CALN1: variants seen among roughly 807,000 people sequenced by gnomAD.
CALN1 encodes calcium-binding protein 8.
CALN1 carries 17 observed loss-of-function variants against 30.6 expected under a neutral mutation model. That is an observed-to-expected ratio of 0.56 (90% CI 0.38 to 0.83). The LOEUF is 0.83. Ranked by LOEUF, CALN1 falls within the 40% of genes least tolerant of loss-of-function variation. CALN1 has a pLI of 0.00. For synonymous variants in CALN1, 156 were observed against 131.4 expected, an observed-to-expected ratio of 1.19 and a Z score of -1.28; for missense variants, 291 against 354.9, an observed-to-expected ratio of 0.82 and a Z score of 1.45.
At position 72,348,311 on chromosome 7, in the gene CALN1, A is replaced by G. The variant is rs188184651; in HGVS notation, c.119+54940T>C. Among the ~76,000 whole-genome samples, 5 of 152,308 alleles carry G rather than the reference A, an allele frequency of 3.3e-5. No homozygotes were observed. In the East Asian group the frequency reaches 7.7e-4, roughly 23 times the overall value. On this transcript the variant is annotated intron_variant, in intron 2 of 6. Transcript: ENST00000395275. ...GAGGTACAAATTACGTGTGTCCTGC[A>G]ACTGCCCAGCTTTCTACCTGGAGAT...
the CALN1 span, among the ~76,000 whole-genome samples, chr7:72,458,212 TATA>T: frequency 4.8e-4 from 53 of 109,388 alleles, no homozygotes; most frequent in African/African-American, 9.1e-4. Flanking sequence ...TAATATATTT[TATA>T]ATATATTATA....
At chr7:71,864,323 T>C (rs1219722395) in intron 5 of CALN1, among the ~76,000 whole-genome samples, 1 of 152,112 alleles carries the variant, frequency 6.6e-6, no homozygotes, top group Admixed American at 6.5e-5. Flanking sequence ...CCAAATCAGG[T>C]GAAGTCTGTG....
intron 5 of CALN1, among the ~76,000 whole-genome samples, chr7:71,822,342 G>A (rs921232238): frequency 3.3e-5 from 5 of 152,068 alleles, no homozygotes; most frequent in African/African-American, 1.2e-4. Context: ...TCCGCCTCCC[G>A]GGTTCAAGTG....
rs905325446 is a variant in CALN1, at chr7:71,815,112, C to T, written c.502-4620G>A. 2.0e-5 allele frequency among the ~76,000 whole-genome samples: 3 copies of T among 151,972 alleles called. 1 individual carries two copies. The highest frequency in any genetic ancestry group is 1.5e-5 in the Non-Finnish European group (1 of 67,974). ...CCTCCCAAAGTGCTGGGATTACAGG[C>T]GTGAGTCAACACAACCAGCCTTGAG... On this transcript the variant is annotated intron_variant, in intron 5 of 6. Coordinates refer to ENST00000395275, the MANE Select transcript of CALN1 (RefSeq NM_031468.4).
intron 6 of CALN1, among the ~76,000 whole-genome samples, chr7:71,801,528 T>C (rs1787315948): frequency 2.0e-5 from 3 of 152,120 alleles, no homozygotes; most frequent in African/African-American, 2.4e-5. Flanking sequence ...TAGCCACTAT[T>C]TGACTTGGGA....
At chr7:72,383,882 A>T (rs1355266330) in intron 2 of CALN1, among the ~76,000 whole-genome samples, 1 of 152,170 alleles carries the variant, frequency 6.6e-6, no homozygotes, top group Non-Finnish European at 1.5e-5. Flanking sequence ...AAGTTCTGGG[A>T]TATCTGTGCA....
intron 4 of CALN1, among the ~76,000 whole-genome samples, chr7:72,081,949 G>C (rs1805173703): frequency 1.3e-5 from 2 of 152,088 alleles, no homozygotes; most frequent in African/African-American, 4.8e-5. Flanking sequence ...ATTCATGGTA[G>C]ACATGGGCTT....
At chr7:72,319,041 CA>C (rs938244310) in intron 2 of CALN1, among the ~76,000 whole-genome samples, 1 of 151,960 alleles carries the variant, frequency 6.6e-6, no homozygotes, top group Non-Finnish European at 1.5e-5. Flanking sequence ...GGTATCTACC[CA>C]AAGGAAAAGA....
chr7:72,224,570 G>A (rs949188788), intron 3 of CALN1, among the ~76,000 whole-genome samples: 1 of 151,666 alleles, frequency 6.6e-6, no homozygotes, highest in African/African-American at 2.4e-5. Flanking sequence ...AATTACTTTA[G>A]ATCAGGAGTT....
chr7:72,279,213 G>A (rs1219769551), intron 2 of CALN1, among the ~76,000 whole-genome samples: 1 of 152,144 alleles, frequency 6.6e-6, no homozygotes, highest in Non-Finnish European at 1.5e-5. Context: ...GGGATGCCCA[G>A]GGACTAGATG....
At chr7:71,971,761 G>C (rs1797813762) in intron 5 of CALN1, among the ~76,000 whole-genome samples, 1 of 151,032 alleles carries the variant, frequency 6.6e-6, no homozygotes, top group Non-Finnish European at 1.5e-5. Flanking sequence ...AGCCAAGTAT[G>C]GTAGCATACA....
chr7:72,372,937 G>T (rs943911306), intron 2 of CALN1, among the ~76,000 whole-genome samples: 1 of 152,150 alleles, frequency 6.6e-6, no homozygotes, highest in Non-Finnish European at 1.5e-5. Flanking sequence ...TGACATGGAT[G>T]TTGGAATTAT....
At chr7:72,298,289 C>T (rs565475824) in intron 2 of CALN1, among the ~76,000 whole-genome samples, 19 of 152,272 alleles carry the variant, frequency 1.2e-4, no homozygotes, top group Non-Finnish European at 2.1e-4. Flanking sequence ...TGAAATAAGA[C>T]GCACACTTTG....
the CALN1 span, among the ~76,000 whole-genome samples, chr7:72,466,837 GAA>G: frequency 7.9e-6 from 1 of 126,094 alleles, no homozygotes; most frequent in African/African-American, 3.0e-5. Context: ...GAAAGAGAGA[GAA>G]AGAAAAGAAA....
intron 3 of CALN1, among the ~76,000 whole-genome samples, chr7:72,178,732 C>T (rs890708550): frequency 4.6e-5 from 7 of 151,938 alleles, no homozygotes; most frequent in Non-Finnish European, 1.0e-4. Context: ...GACAAACTCC[C>T]GCTTTATTTT....
At chr7:72,309,007 T>C (rs1463783740) in intron 2 of CALN1, among the ~76,000 whole-genome samples, 1 of 152,200 alleles carries the variant, frequency 6.6e-6, no homozygotes, top group East Asian at 1.9e-4. Context: ...CAGTTATACC[T>C]TATCCCCATT....
chr7:72,381,126 G>A (rs1022374738), intron 2 of CALN1, among the ~76,000 whole-genome samples: 6 of 152,258 alleles, frequency 3.9e-5, no homozygotes, highest in East Asian at 3.9e-4. Flanking sequence ...GAATGCAGAC[G>A]GAAAGCACAA....
intron 5 of CALN1, among the ~76,000 whole-genome samples, chr7:71,993,426 G>A (rs1355857665): frequency 4.6e-5 from 7 of 151,038 alleles, no homozygotes; most frequent in African/African-American, 4.9e-5. Context: ...TGATTGCACC[G>A]CTGCACCCCA....
At chr7:72,027,731 ACACACAC>A (rs1562989233) in intron 4 of CALN1, among the ~76,000 whole-genome samples, 6,247 of 140,394 alleles carry the variant, frequency 0.044, 438 homozygotes, top group African/African-American at 0.17. Flanking sequence ...AAACAAACAC[ACACACAC>A]ACACACACAC....
Sources: allele counts gnomAD v4.1 joint callset (sites outside exome capture counted in the v4.1 genomes callset), GRCh38; gene constraint gnomAD v4.1.1; transcripts MANE v1.5; gene names NCBI Gene and HGNC (gene_info 2026-07-23, HGNC 2026-07-21).